Variants in CCDC149 observed in about 807,000 individuals in gnomAD.
CCDC149 encodes coiled-coil domain-containing protein 149.
CCDC149 carries 45 observed loss-of-function variants against 59.9 expected under a neutral mutation model. That is an observed-to-expected ratio of 0.75 (90% CI 0.59 to 0.96). CCDC149 has a LOEUF of 0.96. CCDC149 is among the 40% of genes least tolerant of loss of function. The pLI is 0.00. For synonymous variants in CCDC149, 245 were observed against 260.6 expected (o/e 0.94, Z 0.58); for missense variants, 584 against 664.7 (o/e 0.88, Z 1.33).
At chr4:24,886,056 T>A (rs1156849247) in intron 1 of CCDC149, among the ~76,000 whole-genome samples, 1 of 152,198 alleles carries the variant, frequency 6.6e-6, no homozygotes. Flanking sequence ...GAGAAGGACA[T>A]AGAACCTCAA....
chr4:24,890,747 G>A (rs1367799345), intron 1 of CCDC149, among the ~76,000 whole-genome samples: 5 of 152,226 alleles, frequency 3.3e-5, no homozygotes, highest in Non-Finnish European at 7.3e-5. Flanking sequence ...TGATACTTGA[G>A]TCAGGTGCAC....
At chr4:24,863,530 T>G (rs1718507900) in intron 3 of CCDC149, among the ~76,000 whole-genome samples, 1 of 152,208 alleles carries the variant, frequency 6.6e-6, no homozygotes, top group Non-Finnish European at 1.5e-5. Context: ...GCTTCTAACC[T>G]CACAGGCTGG....
rs560031330 is a variant in CCDC149 at position 24,920,914 on chromosome 4, A to G, written c.-64-25796T>C. Among the ~76,000 whole-genome samples the G allele has an allele frequency of 3.3e-5, 5 of 152,270 alleles. No homozygotes were observed. The South Asian group carries it at 1.0e-3, about 32-fold the overall frequency. On this transcript the variant is annotated intron_variant, in intron 1 of 12. Transcript: ENST00000389609. Reference sequence around the variant, plus strand: ...TAGGAGAGTTCCTAAAGAAATTGTCACTGAGGAATGTATGAGAACATCTAG... The same window carrying G: ...TAGGAGAGTTCCTAAAGAAATTGTCGCTGAGGAATGTATGAGAACATCTAG...
intron 1 of CCDC149, 80 bp downstream of exon 1, chr4:24,912,737 C>G: frequency 9.6e-7 from 1 of 1,037,132 alleles, no homozygotes. Flanking sequence ...CCTCCCAGCT[C>G]GGCCTCTCTG....
chr4:24,903,090 G>A (rs1721272762), intron 1 of CCDC149, among the ~76,000 whole-genome samples: 1 of 144,832 alleles, frequency 6.9e-6, no homozygotes, highest in South Asian at 2.2e-4. Flanking sequence ...TTCCCACCTT[G>A]CTTCCATTTC....
intron 9 of CCDC149, chr4:24,831,112 G>T: frequency 6.3e-6 from 1 of 158,444 alleles, no homozygotes; most frequent in Non-Finnish European, 1.4e-5. Context: ...ATGCTTGGGT[G>T]ATTTCTGCCA....
intron 1 of CCDC149, among the ~76,000 whole-genome samples, chr4:24,899,360 TGAG>T (rs1721030294): frequency 6.6e-6 from 1 of 152,016 alleles, no homozygotes; most frequent in Non-Finnish European, 1.5e-5. Flanking sequence ...AGAAGGAGCA[TGAG>T]TTCCACTTAG....
At chr4:24,920,926 A>G (rs1049145729) in intron 1 of CCDC149, among the ~76,000 whole-genome samples, 2 of 152,198 alleles carry the variant, frequency 1.3e-5, no homozygotes, top group African/African-American at 4.8e-5. Flanking sequence ...TGAGGAATGT[A>G]TGAGAACATC....
chr4:24,978,619 C>T (rs889001568), intron 1 of CCDC149, among the ~76,000 whole-genome samples: 9 of 152,284 alleles, frequency 5.9e-5, no homozygotes, highest in Admixed American at 5.9e-4. Context: ...GGAACCCATT[C>T]TCCATGGTTG....
intron 1 of CCDC149, among the ~76,000 whole-genome samples, chr4:24,929,007 A>T (rs1722509054): frequency 6.6e-6 from 1 of 152,194 alleles, no homozygotes; most frequent in Admixed American, 6.5e-5. Flanking sequence ...TGTCCGCCTA[A>T]TTTAAACAAA....
intron 1 of CCDC149, among the ~76,000 whole-genome samples, chr4:24,949,006 T>C (rs116336272): frequency 0.015 from 2,348 of 152,306 alleles, 49 homozygotes; most frequent in African/African-American, 0.053. Flanking sequence ...GTGAGTCAAC[T>C]AAACCTCTTT....
intron 2 of CCDC149, among the ~76,000 whole-genome samples, chr4:24,876,292 TACACACACACACAC>T (rs61406129): frequency 0.025 from 3,178 of 124,804 alleles, 103 homozygotes; most frequent in Admixed American, 0.1. Context: ...CATACACACG[TACACACACACACAC>T]ACACACACAC....
chr4:24,880,270 T>C (rs923426116), intron 1 of CCDC149, among the ~76,000 whole-genome samples: 1 of 152,272 alleles, frequency 6.6e-6, no homozygotes, highest in South Asian at 2.1e-4. Context: ...CATACATTTG[T>C]AGCCTAGGAG....
intron 9 of CCDC149, chr4:24,830,086 T>C (rs904210787): frequency 1.3e-5 from 2 of 152,230 alleles, no homozygotes; most frequent in African/African-American, 2.4e-5. Flanking sequence ...GAGACAGGAG[T>C]GAGCAGAACA....
At position 24,835,010 on chromosome 4, in the gene CCDC149, T is replaced by C. The variant is rs766520361; in HGVS notation, c.758A>G (p.Asn253Ser). 4 of 1,613,330 alleles carry C rather than the reference T, an allele frequency of 2.5e-6. No individual in the cohort carries two copies. Among genetic ancestry groups the C allele is most frequent in the Non-Finnish European group, 2.5e-6 (3 of 1,179,662 alleles). Residue 253 changes from asparagine to serine, a missense_variant, in exon 8 of 13, where the codon AAC becomes AGC. By Grantham distance (46) the Asn-to-Ser change is conservative (BLOSUM62 1). Transcript: ENST00000635206. ...GCTGGATTTACCCTGGCCCTTCGAG[T>C]TTTTCCGTCTCTCCAGAGCATTCTA...
At chr4:24,833,190 A>C in intron 8 of CCDC149, among the ~76,000 whole-genome samples, 1 of 152,158 alleles carries the variant, frequency 6.6e-6, no homozygotes, top group Middle Eastern at 3.2e-3. Context: ...AAAAAAAGGA[A>C]ACAGTATAAA....
At chr4:24,877,224 C>T (rs563736241) in intron 1 of CCDC149, among the ~76,000 whole-genome samples, 3 of 152,148 alleles carry the variant, frequency 2.0e-5, no homozygotes, top group Non-Finnish European at 4.4e-5. Context: ...CTTGCTCTGT[C>T]ATCCAGGCTG....
chr4:24,868,716 C>T (rs1287437691), intron 3 of CCDC149, among the ~76,000 whole-genome samples: 2 of 152,092 alleles, frequency 1.3e-5, no homozygotes, highest in Non-Finnish European at 2.9e-5. Flanking sequence ...ATGCAAGTTC[C>T]AAGCTCAGGG....
rs779015464 is a variant in CCDC149 at position 24,837,412 on chromosome 4, G to A, written c.490-12C>T. 1 of 1,613,522 alleles carries A rather than the reference G, an allele frequency of 6.2e-7. No individual in the cohort carries two copies. Among genetic ancestry groups the A allele is most frequent in the Non-Finnish European group, 8.5e-7 (1 of 1,179,658 alleles). On this transcript the variant is annotated splice_polypyrimidine_tract_variant and intron_variant, in intron 5 of 12. Transcript: ENST00000635206. This position sits in a 1 kb window ranked among gnomAD's most constrained non-coding sequence, Gnocchi z 4.3. ...TCCAGAGACTCAATCTAAAACCACA[G>A]GGAGAGCCCTTACTCAAGATGTTCC... is the stretch of plus-strand genomic sequence containing the variant.
Sources: gnomAD v4.1 joint callset for allele counts (sites outside exome capture counted in the v4.1 genomes callset) on GRCh38, gnomAD v4.1.1 for gene constraint, Gnocchi (gnomAD v3.1) non-coding constraint, MANE v1.5 for transcripts, NCBI Gene and HGNC (gene_info 2026-07-23, HGNC 2026-07-21) for gene names.